Variants in NR3C2 observed in about 807,000 individuals in gnomAD.
NR3C2 encodes nuclear receptor subfamily 3 group C member 2, also known as mineralocorticoid receptor.
In NR3C2, 15 loss-of-function variants were observed where a neutral mutation model predicts 86.4. That is an observed-to-expected ratio of 0.17 (90% CI 0.12 to 0.27). The LOEUF (loss-of-function observed/expected upper bound fraction) is 0.27. Ranked by LOEUF, NR3C2 falls within the 10% of genes least tolerant of loss-of-function variation. The pLI is 1.00. For synonymous variants in NR3C2, 458 were observed against 450.5 expected (o/e 1.02, Z -0.21); for missense variants, 960 against 1,195.6 (o/e 0.80, Z 2.91).
chr4:148,241,316 A>G (rs1579056571), intron 3 of NR3C2, among the ~76,000 whole-genome samples: 2 of 144,748 alleles, frequency 1.4e-5, no homozygotes, highest in Admixed American at 6.9e-5. Flanking sequence ...AAAAAAAAAA[A>G]AAAAAAAAAA....
intron 6 of NR3C2, among the ~76,000 whole-genome samples, chr4:148,130,819 G>GTTTTTTTTTT (rs376180676): frequency 9.2e-6 from 1 of 108,904 alleles, no homozygotes; most frequent in Admixed American, 1.0e-4. Flanking sequence ...GTTTTGTTTT[G>GTTTTTTTTTT]TTTTTTTTTT....
At chr4:148,139,068 C>T (rs1733488117) in intron 6 of NR3C2, among the ~76,000 whole-genome samples, 1 of 152,170 alleles carries the variant, frequency 6.6e-6, no homozygotes, top group South Asian at 2.1e-4. Context: ...AATCTTGGTT[C>T]TTTAAATTAC....
At chr4:148,136,089 AC>A (rs1306587102) in intron 6 of NR3C2, among the ~76,000 whole-genome samples, 88 of 135,616 alleles carry the variant, frequency 6.5e-4, no homozygotes, top group Admixed American at 1.1e-3. Flanking sequence ...AAAAAAAAAA[AC>A]ACCACCAAAA....
intron 3 of NR3C2, among the ~76,000 whole-genome samples, chr4:148,240,488 T>G (rs1738973220): frequency 6.6e-6 from 1 of 151,988 alleles, no homozygotes; most frequent in Admixed American, 6.6e-5. Flanking sequence ...ATTTTTCTTG[T>G]AGCAAAAGCA....
chr4:148,107,556 T>C (rs558843178), intron 8 of NR3C2, among the ~76,000 whole-genome samples: 16 of 152,332 alleles, frequency 1.1e-4, no homozygotes, highest in African/African-American at 1.4e-4. Context: ...CGTATATTTA[T>C]TGCAACACTA....
Position 148,436,309 on chromosome 4 carries a change from A to T in NR3C2, c.552T>A (p.Pro184=). Residue 184 remains proline (P), a synonymous_variant, in exon 2 of 9, where the codon CCT becomes CCA. Coordinates refer to ENST00000358102, the MANE Select transcript of NR3C2 (RefSeq NM_000901.5). ...ACGGGCTTTTCTCATGACACATGAT[A>T]GGGCTTTTAACAACGGCGCGCATGA... is the stretch of plus-strand genomic sequence containing the variant. The part of the protein sequence containing the change: ...GGVMRAVVKS[P]IMCHEKSPSV... The T allele has an allele frequency of 6.2e-7, 1 of 1,614,188 alleles. No homozygotes were observed. The highest frequency in any genetic ancestry group is 8.5e-7 in the Non-Finnish European group (1 of 1,180,038).
intron 2 of NR3C2, among the ~76,000 whole-genome samples, chr4:148,275,472 C>T (rs1267529350): frequency 6.6e-6 from 1 of 151,512 alleles, no homozygotes; most frequent in African/African-American, 2.4e-5. Flanking sequence ...CTCTTGTTGC[C>T]CAGGCTGGAG....
intron 8 of NR3C2, among the ~76,000 whole-genome samples, chr4:148,112,521 G>A (rs937919134): frequency 6.6e-6 from 1 of 152,226 alleles, no homozygotes; most frequent in Non-Finnish European, 1.5e-5. Context: ...CCTTTTGTGT[G>A]AGTCATGAAG....
intron 3 of NR3C2, among the ~76,000 whole-genome samples, chr4:148,222,772 T>C (rs912649256): frequency 7.9e-5 from 12 of 152,234 alleles, no homozygotes; most frequent in African/African-American, 1.4e-4. Context: ...AAAAGTTTGC[T>C]ATTTATTTTA....
chr4:148,348,408 CT>C (rs1424143179), intron 2 of NR3C2, among the ~76,000 whole-genome samples: 11 of 152,136 alleles, frequency 7.2e-5, no homozygotes, highest in African/African-American at 2.7e-4. Context: ...ATCTCCAGCA[CT>C]TAGAAACTAT....
chr4:148,126,913 T>G (rs1025035431), intron 6 of NR3C2, among the ~76,000 whole-genome samples: 4 of 152,178 alleles, frequency 2.6e-5, no homozygotes, highest in African/African-American at 9.7e-5. Context: ...AACCCAGGTT[T>G]TTTACTTCAA....
chr4:148,228,598 CT>C (rs1738301960), intron 3 of NR3C2, among the ~76,000 whole-genome samples: 1 of 152,128 alleles, frequency 6.6e-6, no homozygotes, highest in South Asian at 2.1e-4. Context: ...CAAATATTTT[CT>C]TCAGCCTATG....
At chr4:148,154,287 G>A (rs1046438742) in intron 5 of NR3C2, among the ~76,000 whole-genome samples, 6 of 152,162 alleles carry the variant, frequency 3.9e-5, no homozygotes, top group African/African-American at 1.4e-4. Context: ...GCCTCCCAAA[G>A]TGCTGGGATT....
intron 2 of NR3C2, among the ~76,000 whole-genome samples, chr4:148,313,266 T>C (rs138803148): frequency 5.3e-5 from 8 of 152,290 alleles, no homozygotes; most frequent in Admixed American, 2.0e-4. Context: ...ACTTTAAACA[T>C]ACTGAGTCCC....
chr4:148,121,880 T>A (rs1488671052), intron 6 of NR3C2, among the ~76,000 whole-genome samples: 1 of 152,238 alleles, frequency 6.6e-6, no homozygotes, highest in Non-Finnish European at 1.5e-5. Flanking sequence ...CCACTACTGA[T>A]GGACACTTGG....
intron 6 of NR3C2, among the ~76,000 whole-genome samples, chr4:148,129,989 A>G (rs1732942418): frequency 1.3e-5 from 2 of 152,170 alleles, no homozygotes; most frequent in Admixed American, 1.3e-4. Flanking sequence ...TTTATAATAT[A>G]CAAAATGTCT....
intron 2 of NR3C2, among the ~76,000 whole-genome samples, chr4:148,360,466 G>C (rs575767839): frequency 1.3e-5 from 2 of 151,972 alleles, no homozygotes; most frequent in East Asian, 3.9e-4. Flanking sequence ...AGGCTCTTAC[G>C]GTAAAGCTAA....
intron 7 of NR3C2, among the ~76,000 whole-genome samples, chr4:148,116,765 A>G (rs1732291924): frequency 6.6e-6 from 1 of 152,220 alleles, no homozygotes; most frequent in Non-Finnish European, 1.5e-5. Flanking sequence ...GGGCTAATAA[A>G]TTAATTCAAG....
intron 2 of NR3C2, among the ~76,000 whole-genome samples, chr4:148,416,996 C>T (rs545413475): frequency 2.6e-5 from 4 of 152,160 alleles, no homozygotes; most frequent in South Asian, 2.1e-4. Flanking sequence ...AGGCTGGTCT[C>T]GAACTGCTGA....
Sources: gnomAD v4.1 joint callset for allele counts (sites outside exome capture counted in the v4.1 genomes callset) on GRCh38, gnomAD v4.1.1 for gene constraint, MANE v1.5 for transcripts, NCBI Gene and HGNC (gene_info 2026-07-23, HGNC 2026-07-21) for gene names.